The following EFHC2 variants were observed in gnomAD, a reference collection of about 807,000 sequenced individuals.
EFHC2 encodes the protein EF-hand domain containing 2.
A neutral mutation model predicts 52.7 loss-of-function variants in EFHC2; 18 were observed. That is an observed-to-expected ratio of 0.34 (90% CI 0.24 to 0.51). EFHC2 has a LOEUF of 0.51. Ranked by LOEUF, EFHC2 falls within the 20% of genes least tolerant of loss-of-function variation. The pLI, the probability that EFHC2 is intolerant of heterozygous loss-of-function variation, is 0.97. For missense variants in EFHC2, 513 were observed against 562.5 expected (o/e 0.91, Z 0.89); for synonymous variants, 203 against 204.1 (o/e 0.99, Z 0.04).
At chrX:44,166,389 T>C (rs996030495) in intron 13 of EFHC2, among the ~76,000 whole-genome samples, 6 of 111,326 alleles carry the variant, frequency 5.4e-5, no homozygotes, top group African/African-American at 2.0e-4. Context: ...ACTGGAGCAA[T>C]GGAGCTGCCC....
chrX:44,219,245 A>G (rs1238351964), intron 11 of EFHC2, among the ~76,000 whole-genome samples: 3 of 109,968 alleles, frequency 2.7e-5, no homozygotes, highest in Non-Finnish European at 5.7e-5. Flanking sequence ...AGGATGGAGC[A>G]TGAGGGAACT....
chrX:44,343,489 C>T (rs2038164944), intron 1 of EFHC2, 58 bp downstream of exon 1: 1 of 1,161,249 alleles, frequency 8.6e-7, no homozygotes, highest in Non-Finnish European at 1.2e-6. Context: ...CGCCACGACC[C>T]TGCCTGGACC....
intron 1 of EFHC2, among the ~76,000 whole-genome samples, chrX:44,322,636 G>C (rs760834141): frequency 4.5e-5 from 5 of 112,118 alleles, no homozygotes; most frequent in East Asian, 5.6e-4. Context: ...TCTAAAGTGA[G>C]AATAATAATA....
At chrX:44,195,763 G>A (rs965125752) in intron 11 of EFHC2, among the ~76,000 whole-genome samples, 10 of 108,082 alleles carry the variant, frequency 9.3e-5, no homozygotes, top group African/African-American at 2.7e-4. Flanking sequence ...CCTGGGGCAC[G>A]CTACTGAGAC....
At chrX:44,160,641 G>A (rs2036645109) in intron 14 of EFHC2, among the ~76,000 whole-genome samples, 1 of 112,049 alleles carries the variant, frequency 8.9e-6, no homozygotes, top group Non-Finnish European at 1.9e-5. Context: ...GATTAATAGG[G>A]CCAGGCACGG....
chrX:44,208,929 T>C (rs143532572), intron 11 of EFHC2, among the ~76,000 whole-genome samples: 9 of 110,726 alleles, frequency 8.1e-5, no homozygotes, highest in Non-Finnish European at 1.5e-4. Context: ...CCAATTCATA[T>C]GGATATGGGT....
At chrX:44,250,660 TAA>T (rs751502202) in intron 4 of EFHC2, among the ~76,000 whole-genome samples, 5 of 93,154 alleles carry the variant, frequency 5.4e-5, no homozygotes, top group Middle Eastern at 4.9e-3. Flanking sequence ...ACACAACTCT[TAA>T]AAAAAAAAAA....
At chrX:44,252,811 A>C (rs1189013361) in intron 4 of EFHC2, among the ~76,000 whole-genome samples, 1 of 112,129 alleles carries the variant, frequency 8.9e-6, no homozygotes, top group Non-Finnish European at 1.9e-5. Flanking sequence ...AATTCCTGGC[A>C]CAAAAGATCT....
intron 9 of EFHC2, among the ~76,000 whole-genome samples, chrX:44,233,283 C>G (rs1384690751): frequency 8.9e-6 from 1 of 112,213 alleles, no homozygotes; most frequent in African/African-American, 3.2e-5. Flanking sequence ...AGCAAATGCC[C>G]TACTTCTGTA....
intron 11 of EFHC2, among the ~76,000 whole-genome samples, chrX:44,184,189 C>T (rs1001888003): frequency 3.6e-5 from 4 of 111,803 alleles, no homozygotes; most frequent in African/African-American, 9.8e-5. Flanking sequence ...TCTGGCCCCT[C>T]CTCTGCTGTC....
intron 1 of EFHC2, among the ~76,000 whole-genome samples, chrX:44,314,952 G>A (rs1296821833): frequency 1.8e-5 from 2 of 111,136 alleles, no homozygotes; most frequent in South Asian, 3.9e-4. Context: ...AAATGATACC[G>A]TTTGGATGTT....
At chrX:44,266,677 T>C (rs2037580760) in intron 3 of EFHC2, among the ~76,000 whole-genome samples, 1 of 111,202 alleles carries the variant, frequency 9.0e-6, no homozygotes, top group Admixed American at 9.7e-5. Flanking sequence ...ATTTGGGACA[T>C]AATTATACTA....
At chrX:44,205,309 T>C (rs972977404) in intron 11 of EFHC2, among the ~76,000 whole-genome samples, 1 of 110,969 alleles carries the variant, frequency 9.0e-6, no homozygotes, top group Non-Finnish European at 1.9e-5. Context: ...ACAAAGCAAC[T>C]TGCTAACAAC....
At chrX:44,238,874 A>T (rs1278656220) in intron 8 of EFHC2, among the ~76,000 whole-genome samples, 1 of 111,839 alleles carries the variant, frequency 8.9e-6, no homozygotes, top group Non-Finnish European at 1.9e-5. Flanking sequence ...TTATGTATTA[A>T]TTGATGGTCC....
chrX:44,256,978 G>A (rs752493307), intron 4 of EFHC2, among the ~76,000 whole-genome samples: 17 of 111,086 alleles, frequency 1.5e-4, no homozygotes, highest in Middle Eastern at 4.6e-3. Context: ...TCCCTGGGAT[G>A]CAAGGCTGGT....
chrX:44,312,539 T>G, intron 2 of EFHC2, 29 bp downstream of exon 2: 7 of 1,126,549 alleles, frequency 6.2e-6, no homozygotes, highest in Non-Finnish European at 8.3e-6. Context: ...ATGCTAAGAC[T>G]GCATTCCTCC....
At chrX:44,330,125 T>TG (rs1353626454) in intron 1 of EFHC2, among the ~76,000 whole-genome samples, 2 of 98,525 alleles carry the variant, frequency 2.0e-5, no homozygotes, top group East Asian at 6.3e-4. Flanking sequence ...GGTACGGTGG[T>TG]GCACACCTGT....
intron 11 of EFHC2, among the ~76,000 whole-genome samples, chrX:44,194,844 C>T (rs1421470703): frequency 1.8e-5 from 2 of 110,899 alleles, no homozygotes; most frequent in African/African-American, 3.3e-5. Context: ...AATGGTGACT[C>T]GCAGGGTCCA....
intron 1 of EFHC2, among the ~76,000 whole-genome samples, chrX:44,313,653 A>T (rs1004082724): frequency 9.8e-5 from 11 of 111,926 alleles, no homozygotes; most frequent in African/African-American, 3.6e-4. Context: ...TATTACACGT[A>T]TCAATATAGA....
Sources: allele counts gnomAD v4.1 joint callset (sites outside exome capture counted in the v4.1 genomes callset), GRCh38; gene constraint gnomAD v4.1.1; transcripts MANE v1.5; gene names NCBI Gene and HGNC (gene_info 2026-07-23, HGNC 2026-07-21).